C3orf52: variants seen among roughly 807,000 people sequenced by gnomAD.
C3orf52 encodes chromosome 3 open reading frame 52.
Under a neutral mutation model 24.8 loss-of-function variants are expected in C3orf52, and 22 were observed. That is an observed-to-expected ratio of 0.89 (90% confidence interval 0.63 to 1.27). The LOEUF is 1.27. C3orf52 is among the 50% of genes most tolerant of loss of function. C3orf52 has a pLI of 0.00. For missense variants in C3orf52, 265 were observed against 260.7 expected (o/e 1.02, Z -0.11); for synonymous variants, 93 against 100.2 (o/e 0.93, Z 0.43).
intron 2 of C3orf52, among the ~76,000 whole-genome samples, chr3:112,099,741 G>C (rs1163454388): frequency 6.6e-6 from 1 of 152,182 alleles, no homozygotes; most frequent in Non-Finnish European, 1.5e-5. Flanking sequence ...TCCTGGGCTT[G>C]ATATCTTGGA....
At chr3:112,115,412 C>T (rs1033275462) in intron 5 of C3orf52, among the ~76,000 whole-genome samples, 5 of 152,200 alleles carry the variant, frequency 3.3e-5, no homozygotes, top group South Asian at 2.1e-4. Context: ...CCAGTTTCTA[C>T]GTGCTCATGA....
At chr3:112,126,472 C>T (rs1306644892) in intron 4 of C3orf52, among the ~76,000 whole-genome samples, 1 of 152,152 alleles carries the variant, frequency 6.6e-6, no homozygotes. Flanking sequence ...CTGCACCAGC[C>T]TCGTAAGTGT....
intron 3 of C3orf52, among the ~76,000 whole-genome samples, chr3:112,104,761 C>A (rs1016078944): frequency 2.0e-5 from 3 of 151,946 alleles, no homozygotes; most frequent in Non-Finnish European, 4.4e-5. Flanking sequence ...TACACTGTGC[C>A]CAATTTGTAG....
intron 5 of C3orf52, 130 bp from the exon 6 acceptor site, chr3:112,116,512 A>G: frequency 1.3e-6 from 1 of 755,134 alleles, no homozygotes; most frequent in South Asian, 2.0e-5. Context: ...TTCCTCTGTT[A>G]GGAATGTATA....
At chr3:112,087,546 T>G (rs138191338) in intron 1 of C3orf52, among the ~76,000 whole-genome samples, 1,605 of 152,318 alleles carry the variant, frequency 0.011, 33 homozygotes, top group African/African-American at 0.037. Flanking sequence ...GCTGTTGATT[T>G]TAGGGATAAG....
At chr3:112,120,481 A>G (rs1190467969), downstream of C3orf52, among the ~76,000 whole-genome samples, 1 of 152,232 alleles carries the variant, frequency 6.6e-6, no homozygotes, top group African/African-American at 2.4e-5. Context: ...TATTCACAGA[A>G]TAAGGGATTA....
chr3:112,100,121 T>C (rs1459712504), intron 2 of C3orf52, among the ~76,000 whole-genome samples: 1 of 152,224 alleles, frequency 6.6e-6, no homozygotes, highest in Non-Finnish European at 1.5e-5. Flanking sequence ...CTTGTGCCTG[T>C]TGGCCTCTCT....
chr3:112,136,009 T>C, the C3orf52 span, among the ~76,000 whole-genome samples: 1 of 152,188 alleles, frequency 6.6e-6, no homozygotes, highest in Non-Finnish European at 1.5e-5. Flanking sequence ...CTAATGTCCA[T>C]GTGCAGTCTC....
At chr3:112,100,264 A>G (rs1559971836) in intron 2 of C3orf52, among the ~76,000 whole-genome samples, 1 of 152,234 alleles carries the variant, frequency 6.6e-6, no homozygotes, top group Non-Finnish European at 1.5e-5. Context: ...CTGGCGTTTA[A>G]GGGCTCTCTC....
chr3:112,106,152 A>G (rs1385675728), intron 3 of C3orf52, among the ~76,000 whole-genome samples: 1 of 152,172 alleles, frequency 6.6e-6, no homozygotes, highest in African/African-American at 2.4e-5. Context: ...AGGGATTTTT[A>G]TGGAGATTTC....
chr3:112,133,210 A>G (rs2074501138), downstream of C3orf52: 1 of 1,443,316 alleles, frequency 6.9e-7, no homozygotes, highest in African/African-American at 1.4e-5. Flanking sequence ...ACTTAAAGAA[A>G]GGGCTGTGTG....
Position 112,117,187 on chromosome 3 carries a change from C to G in C3orf52, c.*541C>G. On this transcript the variant is annotated 3_prime_UTR_variant, in exon 6 of 6. Coordinates refer to ENST00000264848, the MANE Select transcript of C3orf52 (RefSeq NM_024616.3). ...AAGCCAATTATTCACTGAAGTCATC[C>G]TCCTCCCCCCCACCATTCGATTTGA... 1 of 551,914 alleles carries G rather than the reference C, an allele frequency of 1.8e-6. No individual in the cohort carries two copies. The highest frequency in any genetic ancestry group is 3.2e-6 in the Non-Finnish European group (1 of 312,006). 34.2% of individuals were successfully genotyped at this position (551,914 alleles called of 1,614,324 possible).
In C3orf52 at chr3:112,108,790, T is replaced by G. The variant is rs1269955155; in HGVS notation, c.397-753T>G. Among the ~76,000 whole-genome samples the G allele has an allele frequency of 2.0e-5, 3 of 152,192 alleles. No homozygotes were observed. The East Asian group carries it at 5.8e-4, about 29-fold the overall frequency. On this transcript the variant is annotated intron_variant, in intron 3 of 5. Transcript: ENST00000264848. ...TTATATTTTGTTATGATTACATAAA[T>G]AAGTAGTAATTTGTAAAAATATGCA...
At chr3:112,103,264 A>G (rs1177003907) in intron 3 of C3orf52, among the ~76,000 whole-genome samples, 1 of 152,206 alleles carries the variant, frequency 6.6e-6, no homozygotes, top group East Asian at 1.9e-4. Context: ...ACTATTGGGT[A>G]CTAGGCTTAG....
At chr3:112,118,260 GT>G (rs1311048156), downstream of C3orf52, 2 of 152,164 alleles carry the variant, frequency 1.3e-5, no homozygotes, top group Non-Finnish European at 2.9e-5. Context: ...TTGTTTGTTT[GT>G]TTTTTGCAGT....
intron 1 of C3orf52, among the ~76,000 whole-genome samples, chr3:112,089,529 CAAAA>C (rs56236834): frequency 2.1e-4 from 20 of 97,556 alleles, no homozygotes; most frequent in African/African-American, 4.2e-4. Context: ...AACTTCGTCT[CAAAA>C]AAAAAAAAAA....
intron 4 of C3orf52, chr3:112,111,464 A>G (rs560273265): frequency 6.6e-6 from 1 of 152,384 alleles, no homozygotes; most frequent in South Asian, 2.1e-4. Flanking sequence ...ATTAGCTGCT[A>G]GACTCACTCC....
At chr3:112,114,759 G>A (rs1490283703) in intron 5 of C3orf52, among the ~76,000 whole-genome samples, 2 of 152,164 alleles carry the variant, frequency 1.3e-5, no homozygotes, top group Non-Finnish European at 2.9e-5. Context: ...AGAGGCCTGC[G>A]ATGCCTGTGG....
intron 1 of C3orf52, among the ~76,000 whole-genome samples, chr3:112,088,525 A>G (rs953600880): frequency 1.4e-5 from 2 of 144,284 alleles, no homozygotes; most frequent in African/African-American, 5.4e-5. Flanking sequence ...CTGGTTTGTC[A>G]GATTGAAGAT....
Sources: allele counts gnomAD v4.1 joint callset (sites outside exome capture counted in the v4.1 genomes callset), GRCh38; gene constraint gnomAD v4.1.1; transcripts MANE v1.5; gene names NCBI Gene and HGNC (gene_info 2026-07-23, HGNC 2026-07-21).